Variants in CRABP2 observed in about 807,000 individuals in gnomAD.
The protein encoded by CRABP2 is cellular retinoic acid-binding protein 2.
Under a neutral mutation model 17.9 loss-of-function variants are expected in CRABP2, and 20 were observed. The observed-to-expected ratio is 1.12, with a 90% CI of 0.79 to 1.63. CRABP2 has a LOEUF of 1.63. Ranked by LOEUF, CRABP2 falls within the 40% of genes most tolerant of loss-of-function variation. CRABP2 has a pLI of 0.00. For missense variants in CRABP2, 151 were observed against 168.6 expected (o/e 0.90, Z 0.58); for synonymous variants, 76 against 66.4 (o/e 1.14, Z -0.70).
chr1:156,704,549 A>G (rs1418972592), intron 1 of CRABP2, among the ~76,000 whole-genome samples: 1 of 152,202 alleles, frequency 6.6e-6, no homozygotes, highest in Non-Finnish European at 1.5e-5. Flanking sequence ...GGGCACACAG[A>G]AGGTGGGCTG....
At position 156,702,973 on chromosome 1, in the gene CRABP2, G is replaced by A. The variant is rs138677959; in HGVS notation, c.71-1921C>T. Among the ~76,000 whole-genome samples, 1,304 of 149,226 alleles carry A rather than the reference G, an allele frequency of 8.7e-3. 18 individuals carry two copies. Among genetic ancestry groups the A allele is most frequent in the African/African-American group, 0.03 (1,220 of 40,170 alleles). On this transcript the variant is annotated intron_variant, in intron 1 of 3. Coordinates refer to ENST00000368222, the MANE Select transcript of CRABP2 (RefSeq NM_001878.4). ...GCACTTTGGGAGGCCGAGGCAGCAG[G>A]ACTGCTTAAGCCCAGAAGTTTGAGA...
rs1648007848 is a variant in CRABP2, at chr1:156,700,771, A to G, written c.249+103T>C. 1.1e-5 allele frequency: 17 copies of G among 1,522,638 alleles called. No individual in the cohort carries two copies. The East Asian group carries it at 3.2e-4, about 28-fold the overall frequency. 94.3% of individuals were successfully genotyped at this position (1,522,638 alleles called of 1,614,324 possible). On this transcript the variant is annotated intron_variant, in intron 2 of 3. Transcript: ENST00000368222. ...CCACCACCACCTAGGGATTTTCCCTACTGGGACAGAGAGAAGCTAGGAGTT... is the reference window on the plus strand; with the variant it reads ...CCACCACCACCTAGGGATTTTCCCTGCTGGGACAGAGAGAAGCTAGGAGTT...
In CRABP2 at chr1:156,700,867, C is replaced by T; in HGVS notation, c.249+7G>A. On this transcript the variant is annotated splice_region_variant and intron_variant, in intron 2 of 3. Coordinates refer to ENST00000368222, the MANE Select transcript of CRABP2 (RefSeq NM_001878.4). ...GCCATGACCCTGGAGCCCCTTCTGG[C>T]ACTCACCTTACAGGGCCTCCCATCC... 1 of 1,612,424 alleles carries T rather than the reference C, an allele frequency of 6.2e-7. No individual in the cohort carries two copies. The highest frequency in any genetic ancestry group is 2.2e-5 in the East Asian group (1 of 44,864).
Position 156,699,767 on chromosome 1 carries a change from T to A in CRABP2, c.*259A>T, listed in dbSNP as rs768396105. The A allele has an allele frequency of 3.8e-4, 198 of 515,594 alleles. 2 individuals are homozygous for A. The highest frequency in any genetic ancestry group is 4.6e-4 in the Non-Finnish European group (131 of 284,502). 31.9% of individuals were successfully genotyped at this position (515,594 alleles called of 1,614,324 possible). A position where few individuals can be genotyped will look rare whatever the true frequency, so the allele number is the denominator to read the frequency against. ...CTCTGGGCTGGTTTGGGGCTAGGAC[T>A]GCTGACTTGGGGAGGCGGGGAGTGA... On this transcript the variant is annotated 3_prime_UTR_variant, in exon 4 of 4. Transcript: ENST00000368222.
chr1:156,703,135 T>G (rs1648089576), intron 1 of CRABP2, among the ~76,000 whole-genome samples: 1 of 151,476 alleles, frequency 6.6e-6, no homozygotes, highest in Non-Finnish European at 1.5e-5. Flanking sequence ...CCCATACCCC[T>G]GTCCCCTCAA....
At chr1:156,700,819 A>C in intron 2 of CRABP2, 55 bp downstream of exon 2, 1 of 1,583,778 alleles carries the variant, frequency 6.3e-7, no homozygotes, top group South Asian at 1.1e-5. Flanking sequence ...GGAAAATGGC[A>C]GGTTGAGAGG....
In CRABP2 at chr1:156,700,152, G is replaced by A. The variant is rs1345476904; in HGVS notation, c.367-76C>T. Reference sequence around the variant, plus strand: ...GCTTTGGAGAGGAGGGTTGAATGGAGGTACTCTGCTTGGCCTCCAGGTCCA... The same window carrying A: ...GCTTTGGAGAGGAGGGTTGAATGGAAGTACTCTGCTTGGCCTCCAGGTCCA... On this transcript the variant is annotated intron_variant, in intron 3 of 3. Transcript: ENST00000368222. The A allele has an allele frequency of 4.7e-6, 7 of 1,492,452 alleles. No homozygotes were observed. In the Admixed American group the frequency reaches 1.1e-4, roughly 24 times the overall value. 92.5% of individuals were successfully genotyped at this position (1,492,452 alleles called of 1,614,324 possible).
In CRABP2 at chr1:156,700,138, G is replaced by A. The variant is rs375183207; in HGVS notation, c.367-62C>T. 8.3e-6 allele frequency: 13 copies of A among 1,564,318 alleles called. No homozygotes were observed. In the African/African-American group the frequency reaches 1.5e-4, roughly 18 times the overall value. On this transcript the variant is annotated intron_variant, in intron 3 of 3. Coordinates refer to ENST00000368222, the MANE Select transcript of CRABP2 (RefSeq NM_001878.4). Reference sequence around the variant, plus strand: ...CCTGGGGTCCTGTGGCTTTGGAGAGGAGGGTTGAATGGAGGTACTCTGCTT... The same window carrying A: ...CCTGGGGTCCTGTGGCTTTGGAGAGAAGGGTTGAATGGAGGTACTCTGCTT...
rs375184942 is a variant in CRABP2 at position 156,700,022 on chromosome 1, C to T, written c.*4G>A. The T allele has an allele frequency of 5.6e-6, 9 of 1,612,686 alleles. No individual in the cohort carries two copies. The African/African-American group carries it at 1.2e-4, about 22-fold the overall frequency. On this transcript the variant is annotated 3_prime_UTR_variant, in exon 4 of 4. Transcript: ENST00000368222. Reference sequence around the variant, plus strand: ...GCTTCGGCCGCGGTTCTACCTGTGGCCACTCACTCTCGGACGTAGACCCTG... The same window carrying T: ...GCTTCGGCCGCGGTTCTACCTGTGGTCACTCACTCTCGGACGTAGACCCTG...
chr1:156,701,692 G>T (rs1648037477), intron 1 of CRABP2, among the ~76,000 whole-genome samples: 1 of 152,184 alleles, frequency 6.6e-6, no homozygotes, highest in Non-Finnish European at 1.5e-5. Flanking sequence ...ATGGTCAGCA[G>T]CCTGGGAAGA....
chr1:156,700,017 T>C lies in CRABP2; in HGVS notation c.*9A>G, dbSNP rs754251562. ...GGTGGGCTTCGGCCGCGGTTCTACC[T>C]GTGGCCACTCACTCTCGGACGTAGA... On this transcript the variant is annotated 3_prime_UTR_variant, in exon 4 of 4. Coordinates refer to ENST00000368222, the MANE Select transcript of CRABP2 (RefSeq NM_001878.4). 6.2e-7 allele frequency: 1 copy of C among 1,612,604 alleles called. No homozygotes were observed. Among genetic ancestry groups the C allele is most frequent in the Non-Finnish European group, 8.5e-7 (1 of 1,179,316 alleles).
rs532233807 is a variant in CRABP2, at chr1:156,700,836, A to G, written c.249+38T>C. On this transcript the variant is annotated intron_variant, in intron 2 of 3. Transcript: ENST00000368222. ...AAAATGGCAGGTTGAGAGGCAGGGC[A>G]ATGACGCCATGACCCTGGAGCCCCT... 9 of 1,597,944 alleles carry G rather than the reference A, an allele frequency of 5.6e-6. No homozygotes were observed. In the South Asian group the frequency reaches 8.9e-5, roughly 16 times the overall value.
rs1433797481 is a variant in CRABP2 at position 156,699,891 on chromosome 1, C to T, written c.*135G>A. The T allele has an allele frequency of 1.5e-5, 13 of 857,490 alleles. No homozygotes were observed. The highest frequency in any genetic ancestry group is 3.2e-5 in the South Asian group (2 of 61,642). The allele number at this position is 857,490 out of a possible 1,614,324, so 53.1% of individuals were successfully genotyped here. The stretch of plus-strand genomic sequence containing the variant: ...GAAAGCAAGACCCTGCAAGAGGCAT[C>T]CCAGTGACCCCCAGAAGTGACTGGG... On this transcript the variant is annotated 3_prime_UTR_variant, in exon 4 of 4. Transcript: ENST00000368222.
At chr1:156,702,244 A>G (rs571541274) in intron 1 of CRABP2, among the ~76,000 whole-genome samples, 1 of 149,188 alleles carries the variant, frequency 6.7e-6, no homozygotes, top group Non-Finnish European at 1.5e-5. Context: ...CGAGGTCAAG[A>G]GTTCAAGACC....
At chr1:156,700,723 G>GGGAGAGAGCCCCT in intron 2 of CRABP2, 65 bp from the exon 3 acceptor site, 1 of 1,530,846 alleles carries the variant, frequency 6.5e-7, no homozygotes. Context: ...AGAGGGATAA[G>GGGAGAGAGCCCCT]GGAGAGAGCC....
rs1439359286 is a variant in CRABP2 at position 156,699,989 on chromosome 1, AGTG to A, written c.*34_*36del. 5 of 1,603,930 alleles carry A rather than the reference AGTG, an allele frequency of 3.1e-6. No individual in the cohort carries two copies. Among genetic ancestry groups the A allele is most frequent in the Admixed American group, 1.7e-5 (1 of 59,000 alleles). Reference sequence around the variant, plus strand: ...GTGAAGCAGGGCGGTGAGCATGGCCAGTGGTGGGCTTCGGCCGCGGTTCTACCT... The same window carrying A: ...GTGAAGCAGGGCGGTGAGCATGGCCAGTGGGCTTCGGCCGCGGTTCTACCT... On this transcript the variant is annotated 3_prime_UTR_variant, in exon 4 of 4. Coordinates refer to ENST00000368222, the MANE Select transcript of CRABP2 (RefSeq NM_001878.4).
chr1:156,700,077 C>T lies in CRABP2; in HGVS notation c.367-1G>A. The T allele has an allele frequency of 6.2e-7, 1 of 1,613,480 alleles. No individual in the cohort carries two copies. Among genetic ancestry groups the T allele is most frequent in the Non-Finnish European group, 8.5e-7 (1 of 1,179,666 alleles). On this transcript the variant is annotated splice_acceptor_variant, in intron 3 of 3. Transcript: ENST00000368222. LOFTEE classifies it high-confidence loss of function. Reference sequence around the variant, plus strand: ...ACACAACGTCATCCGCCGTCATGGTCTGGAAGGACAGAAGTAGTTGTTAGC... The same window carrying T: ...ACACAACGTCATCCGCCGTCATGGTTTGGAAGGACAGAAGTAGTTGTTAGC...
chr1:156,705,520 A>G lies in CRABP2; in HGVS notation c.-74T>C. ...GGACACTGTCTTTTAGTCAAAAGAGACGTCGCCGTCGCCGGGTCGTCAGGT... is the reference window on the plus strand; with the variant it reads ...GGACACTGTCTTTTAGTCAAAAGAGGCGTCGCCGTCGCCGGGTCGTCAGGT... On this transcript the variant is annotated 5_prime_UTR_variant, in exon 1 of 4. Transcript: ENST00000368222. The surrounding 1 kb of genome is among the most constrained non-coding windows in gnomAD (Gnocchi z 5.2). The G allele has an allele frequency of 6.5e-7, 1 of 1,548,256 alleles. No homozygotes were observed. The highest frequency in any genetic ancestry group is 8.9e-7 in the Non-Finnish European group (1 of 1,125,648).
In CRABP2 at chr1:156,700,669, C is replaced by G. The variant is rs767108728; in HGVS notation, c.250-11G>C. ...CCATTTCACCAGGCTCTGCAAGAGA[C>G]AGGTGGCCAAGTGAGCTGGGCCCAT... is the stretch of plus-strand genomic sequence containing the variant. On this transcript the variant is annotated splice_polypyrimidine_tract_variant and intron_variant, in intron 2 of 3. Coordinates refer to ENST00000368222, the MANE Select transcript of CRABP2 (RefSeq NM_001878.4). The G allele has an allele frequency of 6.2e-7, 1 of 1,612,602 alleles. No individual in the cohort carries two copies. Among genetic ancestry groups the G allele is most frequent in the Admixed American group, 1.7e-5 (1 of 60,016 alleles).
Sources: gnomAD v4.1 joint callset for allele counts (sites outside exome capture counted in the v4.1 genomes callset) on GRCh38, gnomAD v4.1.1 for gene constraint, Gnocchi (gnomAD v3.1) non-coding constraint, MANE v1.5 for transcripts, NCBI Gene and HGNC (gene_info 2026-07-23, HGNC 2026-07-21) for gene names.